Variants in SIK3 observed in about 807,000 individuals in gnomAD.
SIK3 encodes SIK family kinase 3, also known as serine/threonine-protein kinase SIK3.
SIK3 carries 28 observed loss-of-function variants against 144.2 expected under a neutral mutation model. The observed-to-expected ratio is 0.19, with a 90% CI of 0.14 to 0.27. The LOEUF is 0.27. SIK3 is among the 10% of genes least tolerant of loss of function. The probability of loss-of-function intolerance (pLI) is 1.00; values close to 1 mark genes in which losing one functional copy is unlikely to be tolerated. For missense variants in SIK3, 1,319 were observed against 1,776.0 expected (o/e 0.74, Z 4.62); for synonymous variants, 686 against 676.3 (o/e 1.01, Z -0.22).
At chr11:116,987,847 C>T (rs535560320) in intron 1 of SIK3, among the ~76,000 whole-genome samples, 58 of 152,234 alleles carry the variant, frequency 3.8e-4, no homozygotes, top group African/African-American at 1.3e-3. Context: ...GCAGAGAACA[C>T]GGTAAGTTGA....
At chr11:117,081,333 G>C (rs552844483) in intron 1 of SIK3, among the ~76,000 whole-genome samples, 2 of 152,096 alleles carry the variant, frequency 1.3e-5, no homozygotes, top group Non-Finnish European at 2.9e-5. Flanking sequence ...TAAAGTCTTT[G>C]AGGCTAGAGG....
chr11:116,862,173 G>A, intron 17 of SIK3, 29 bp downstream of exon 17: 1 of 1,614,120 alleles, frequency 6.2e-7, no homozygotes, highest in South Asian at 1.1e-5. Context: ...CTCCAAACAA[G>A]TTGGAGAAAG....
intron 4 of SIK3, among the ~76,000 whole-genome samples, chr11:116,902,624 A>G (rs138608558): frequency 9.3e-4 from 141 of 152,344 alleles, no homozygotes; most frequent in African/African-American, 3.1e-3. Flanking sequence ...AGATTTCTGT[A>G]AGATTCAACA....
intron 1 of SIK3, among the ~76,000 whole-genome samples, chr11:117,025,612 T>G (rs190045862): frequency 6.6e-6 from 1 of 152,042 alleles, no homozygotes; most frequent in Non-Finnish European, 1.5e-5. Context: ...GTGTTTTTGG[T>G]AGAAACAGAG....
intron 23 of SIK3, 63 bp downstream of exon 23, chr11:116,847,413 G>T: frequency 6.2e-7 from 1 of 1,606,308 alleles, no homozygotes; most frequent in Non-Finnish European, 8.5e-7. Flanking sequence ...GAGCAGTTAC[G>T]GAAGATGGAG....
intron 1 of SIK3, among the ~76,000 whole-genome samples, chr11:117,090,513 G>C (rs1955196533): frequency 6.6e-6 from 1 of 152,144 alleles, no homozygotes; most frequent in Admixed American, 6.5e-5. Flanking sequence ...CCTGGAAAGT[G>C]TTAGTCATTT....
intron 1 of SIK3, among the ~76,000 whole-genome samples, chr11:117,016,371 A>AGG (rs1555128149): frequency 2.7e-4 from 13 of 47,668 alleles, no homozygotes; most frequent in African/African-American, 1.5e-3. Context: ...GGAGGGAAGG[A>AGG]GAGGGAGGGA....
chr11:116,994,052 C>A (rs575538893), intron 1 of SIK3, among the ~76,000 whole-genome samples: 19 of 152,276 alleles, frequency 1.2e-4, no homozygotes, highest in South Asian at 1.0e-3. Context: ...ATATAAAAAA[C>A]CATTCCTATT....
intron 1 of SIK3, among the ~76,000 whole-genome samples, chr11:116,993,892 T>C (rs1375461896): frequency 2.0e-5 from 3 of 152,210 alleles, no homozygotes; most frequent in East Asian, 1.9e-4. Context: ...TTCCGAACTG[T>C]GTGGCACACA....
At chr11:116,925,520 T>G (rs777181442) in intron 4 of SIK3, among the ~76,000 whole-genome samples, 4 of 152,236 alleles carry the variant, frequency 2.6e-5, no homozygotes, top group African/African-American at 9.6e-5. Context: ...GTTTTAACTT[T>G]CACCCTGTGA....
chr11:117,023,513 C>T (rs1283672689), intron 1 of SIK3, among the ~76,000 whole-genome samples: 1 of 149,096 alleles, frequency 6.7e-6, no homozygotes, highest in Non-Finnish European at 1.5e-5. Flanking sequence ...TCAAGTGATC[C>T]TCTAGTCTCA....
At chr11:116,896,478 T>C (rs1054696877) in intron 5 of SIK3, 102 bp from the exon 6 acceptor site, 4 of 1,273,306 alleles carry the variant, frequency 3.1e-6, no homozygotes, top group Non-Finnish European at 3.2e-6. Flanking sequence ...ATGCATACGA[T>C]TATGGAACAA....
chr11:116,964,002 T>G (rs1322790316), intron 1 of SIK3, among the ~76,000 whole-genome samples: 1 of 152,142 alleles, frequency 6.6e-6, no homozygotes, highest in Non-Finnish European at 1.5e-5. Context: ...AAGGTCAGGA[T>G]GTAGGCTGGC....
chr11:116,917,826 G>GAAA (rs1591319022), intron 4 of SIK3, among the ~76,000 whole-genome samples: 2 of 137,254 alleles, frequency 1.5e-5, no homozygotes, highest in African/African-American at 5.3e-5. Context: ...GGAAGAAGAA[G>GAAA]GAAGGAAAGG....
intron 1 of SIK3, among the ~76,000 whole-genome samples, chr11:117,095,562 T>C (rs1223952436): frequency 1.3e-5 from 2 of 152,230 alleles, no homozygotes; most frequent in South Asian, 2.1e-4. Flanking sequence ...ACCTTCACCA[T>C]TGTTATATAA....
intron 1 of SIK3, among the ~76,000 whole-genome samples, chr11:117,053,647 C>G (rs1953366661): frequency 6.6e-6 from 1 of 151,656 alleles, no homozygotes; most frequent in Non-Finnish European, 1.5e-5. Context: ...TGCCTCTTTC[C>G]CCCCTCCCAC....
At position 117,024,472 on chromosome 11, in the gene SIK3, G is replaced by A. The variant is rs191534570; in HGVS notation, c.274-67408C>T. 2.6e-5 allele frequency among the ~76,000 whole-genome samples: 4 copies of A among 152,222 alleles called. No homozygotes were observed. In the East Asian group the frequency reaches 7.7e-4, roughly 29 times the overall value. ...TAAAGACTATCTTGGAAGATAAACA[G>A]GGCTTCAATAATGCCCCATAACTCT... On this transcript the variant is annotated intron_variant, in intron 1 of 24. Transcript: ENST00000445177.
At chr11:116,933,442 T>C (rs1947735194) in intron 3 of SIK3, among the ~76,000 whole-genome samples, 1 of 152,096 alleles carries the variant, frequency 6.6e-6, no homozygotes, top group East Asian at 1.9e-4. Flanking sequence ...CCTGGCCCCA[T>C]TTGCTCCTTT....
At chr11:117,076,924 G>A (rs1269170056) in intron 1 of SIK3, among the ~76,000 whole-genome samples, 1 of 152,192 alleles carries the variant, frequency 6.6e-6, no homozygotes, top group East Asian at 1.9e-4. Flanking sequence ...GGAAGGCCAA[G>A]GTAGGATAAC....
Sources: allele counts gnomAD v4.1 joint callset (sites outside exome capture counted in the v4.1 genomes callset), GRCh38; gene constraint gnomAD v4.1.1; transcripts MANE v1.5; gene names NCBI Gene and HGNC (gene_info 2026-07-23, HGNC 2026-07-21).